The following CSMD1 variants were observed in gnomAD, a reference collection of about 807,000 sequenced individuals.
CSMD1 encodes CUB and sushi domain-containing protein 1.
In CSMD1, 213 loss-of-function variants were observed where a neutral mutation model predicts 417.5. That is an observed-to-expected ratio of 0.51 (90% CI 0.46 to 0.57). CSMD1 has a LOEUF of 0.57. Among genes scored for constraint, CSMD1 ranks in the 20% least tolerant of loss-of-function variants. The probability of loss-of-function intolerance (pLI) is 0.00; values close to 1 mark genes in which losing one functional copy is unlikely to be tolerated. For synonymous variants in CSMD1, 2,862 were observed against 1,736.8 expected (o/e 1.65, Z -16.11); for missense variants, 6,923 against 4,529.7 (o/e 1.53, Z -15.17).
chr8:4,563,845 A>G (rs886994569), intron 2 of CSMD1, among the ~76,000 whole-genome samples: 3 of 152,198 alleles, frequency 2.0e-5, no homozygotes, highest in African/African-American at 7.2e-5. Flanking sequence ...AATATCTAGG[A>G]TATCTGCTGA....
At chr8:2,940,504 C>T (rs116603198) in intron 69 of CSMD1, among the ~76,000 whole-genome samples, 155 of 152,188 alleles carry the variant, frequency 1.0e-3, no homozygotes, top group African/African-American at 3.7e-3. Flanking sequence ...TAAAAATAAG[C>T]GCTATCTCCC....
intron 47 of CSMD1, among the ~76,000 whole-genome samples, chr8:3,093,420 G>T (rs898153228): frequency 6.6e-6 from 1 of 152,014 alleles, no homozygotes; most frequent in African/African-American, 2.4e-5. Context: ...TAATCCCAGC[G>T]CTTTGGGAGG....
intron 1 of CSMD1, among the ~76,000 whole-genome samples, chr8:4,938,497 G>A (rs1481689151): frequency 1.3e-5 from 2 of 152,136 alleles, no homozygotes; most frequent in African/African-American, 2.4e-5. Flanking sequence ...AAAACTGATC[G>A]ATGGTATAGA....
chr8:4,071,358 G>A (rs1246264788), intron 3 of CSMD1, among the ~76,000 whole-genome samples: 1 of 151,760 alleles, frequency 6.6e-6, no homozygotes, highest in East Asian at 1.9e-4. Context: ...TAACTCTTAT[G>A]TCATTTTGTA....
Position 3,396,239 on chromosome 8 carries a change from T to C in CSMD1, c.2548A>G (p.Thr850Ala), listed in dbSNP as rs1321921373. 1 of 1,575,252 alleles carries C rather than the reference T, an allele frequency of 6.3e-7. No homozygotes were observed. Among genetic ancestry groups the C allele is most frequent in the Non-Finnish European group, 8.6e-7 (1 of 1,160,324 alleles). ...TGNFMYLLFTTDNSRSSIGFL... is the reference protein window; with the variant it reads ...TGNFMYLLFTADNSRSSIGFL... ...CCGATGCTGGAGCGGCTGTTGTCAG[T>C]GGTGAACAGCAGGTACATGAAGTTC... Residue 850 changes from threonine (T) to alanine (A), a missense_variant, in exon 17 of 70, where the codon ACT becomes GCT. Transcript: ENST00000635120.
rs532048329 is a variant in CSMD1 at position 4,306,427 on chromosome 8, A to C, written c.415+113526T>G. Among the ~76,000 whole-genome samples the C allele has an allele frequency of 4.6e-5, 7 of 152,328 alleles. No individual in the cohort carries two copies. The South Asian group carries it at 1.5e-3, about 32-fold the overall frequency. On this transcript the variant is annotated intron_variant, in intron 3 of 69. Coordinates refer to ENST00000635120, the MANE Select transcript of CSMD1 (RefSeq NM_033225.6). ...AACAAAAAAATACAGTATCATCGTG[A>C]AAGTTCAATTGATAAAAAATATTTT... is the stretch of plus-strand genomic sequence containing the variant.
chr8:3,290,517 G>C lies in CSMD1; in HGVS notation c.3951-6171C>G, dbSNP rs751577497. On this transcript the variant is annotated intron_variant, in intron 25 of 69. Transcript: ENST00000635120. ...TTATTTCCTTGAGCAGTGGTTTGTA[G>C]TTCTCCTTGAAGAGGTCCTTCACAT... Among the ~76,000 whole-genome samples, 73 of 144,636 alleles carry C rather than the reference G, an allele frequency of 5.0e-4. 1 individual carries two copies. The highest frequency in any genetic ancestry group is 1.4e-3 in the Admixed American group (21 of 14,616). 94.9% of individuals were successfully genotyped at this position (144,636 alleles called of 152,430 possible).
intron 41 of CSMD1, among the ~76,000 whole-genome samples, chr8:3,138,164 T>C (rs1585445321): frequency 6.6e-6 from 1 of 152,062 alleles, no homozygotes; most frequent in East Asian, 1.9e-4. Context: ...AGGCAGAGGG[T>C]GCAGTGAGCT....
At chr8:2,939,916 C>T (rs1801747620) in intron 69 of CSMD1, among the ~76,000 whole-genome samples, 1 of 152,182 alleles carries the variant, frequency 6.6e-6, no homozygotes, top group Non-Finnish European at 1.5e-5. Flanking sequence ...CTGCCACAGT[C>T]CCTTCATGTG....
intron 3 of CSMD1, among the ~76,000 whole-genome samples, chr8:4,419,608 A>C (rs1336065133): frequency 6.6e-6 from 1 of 152,202 alleles, no homozygotes; most frequent in African/African-American, 2.4e-5. Flanking sequence ...CCAACCAAAA[A>C]TTTAATGAAA....
intron 3 of CSMD1, among the ~76,000 whole-genome samples, chr8:4,212,273 A>G (rs1053699026): frequency 4.0e-5 from 6 of 151,828 alleles, no homozygotes; most frequent in Non-Finnish European, 7.4e-5. Context: ...TCAGATAAAT[A>G]CTATTCTACA....
chr8:3,809,654 C>G (rs1016522528), intron 5 of CSMD1, among the ~76,000 whole-genome samples: 1 of 152,162 alleles, frequency 6.6e-6, no homozygotes, highest in Non-Finnish European at 1.5e-5. Flanking sequence ...CTCATTCTAA[C>G]ATCAGGTGAT....
intron 12 of CSMD1, among the ~76,000 whole-genome samples, chr8:3,419,034 A>G (rs944288301): frequency 6.6e-6 from 1 of 152,230 alleles, no homozygotes; most frequent in African/African-American, 2.4e-5. Context: ...TACTCGAGGC[A>G]TACAAATAGT....
intron 7 of CSMD1, among the ~76,000 whole-genome samples, chr8:3,656,431 T>G (rs1004658518): frequency 1.4e-4 from 21 of 152,338 alleles, no homozygotes; most frequent in African/African-American, 4.8e-4. Flanking sequence ...CAGCATTTCT[T>G]ATCTTTGTGA....
rs1029316573 is a variant in CSMD1 at position 4,307,774 on chromosome 8, G to C, written c.415+112179C>G. Among the ~76,000 whole-genome samples, 22 of 152,078 alleles carry C rather than the reference G, an allele frequency of 1.4e-4. 1 individual carries two copies. The highest frequency in any genetic ancestry group is 2.1e-4 in the South Asian group (1 of 4,818). ...AGAGAGTTTATCAAGGGTGGAATAA[G>C]GTCCAGAGTCAGTTTACCTCTCTAC... On this transcript the variant is annotated intron_variant, in intron 3 of 69. Transcript: ENST00000635120.
intron 5 of CSMD1, among the ~76,000 whole-genome samples, chr8:3,912,169 T>C (rs1334108262): frequency 6.6e-6 from 1 of 152,226 alleles, no homozygotes; most frequent in African/African-American, 2.4e-5. Flanking sequence ...TTCACATTTC[T>C]CATGAATTTG....
intron 4 of CSMD1, among the ~76,000 whole-genome samples, chr8:4,020,061 G>T (rs1030599983): frequency 6.6e-6 from 1 of 152,130 alleles, no homozygotes; most frequent in Admixed American, 6.5e-5. Context: ...GGAAGGGAGA[G>T]GAGATAGAGA....
intron 52 of CSMD1, among the ~76,000 whole-genome samples, chr8:3,014,843 G>T (rs555501944): frequency 6.6e-6 from 1 of 152,002 alleles, no homozygotes; most frequent in Non-Finnish European, 1.5e-5. Flanking sequence ...TTGAGTCCAG[G>T]AGGTCGAGGT....
chr8:3,278,448 G>A (rs909547390), intron 26 of CSMD1: 1 of 152,084 alleles, frequency 6.6e-6, no homozygotes, highest in Admixed American at 6.5e-5. Flanking sequence ...AGCCTACTAA[G>A]AAATCTCATT....
Sources: allele counts gnomAD v4.1 joint callset (sites outside exome capture counted in the v4.1 genomes callset), GRCh38; gene constraint gnomAD v4.1.1; transcripts MANE v1.5; gene names NCBI Gene and HGNC (gene_info 2026-07-23, HGNC 2026-07-21).